FSTL5: variants seen among roughly 807,000 people sequenced by gnomAD.
FSTL5 encodes follistatin like 5, also known as follistatin-related protein 5.
FSTL5 carries 62 observed loss-of-function variants against 89.1 expected under a neutral mutation model. That is an observed-to-expected ratio of 0.70 (90% CI 0.57 to 0.86). The LOEUF is 0.86. Among genes scored for constraint, FSTL5 ranks in the 40% least tolerant of loss-of-function variants. The pLI is 0.00. For missense variants in FSTL5, 1,057 were observed against 1,001.6 expected, an observed-to-expected ratio of 1.06 and a Z score of -0.75; for synonymous variants, 383 against 346.2, an observed-to-expected ratio of 1.11 and a Z score of -1.18.
At chr4:161,810,412 G>A (rs1430431465) in intron 4 of FSTL5, among the ~76,000 whole-genome samples, 2 of 152,086 alleles carry the variant, frequency 1.3e-5, no homozygotes, top group Non-Finnish European at 2.9e-5. Context: ...AAAAATGAAT[G>A]TTATAAAAGA....
chr4:161,865,659 T>C (rs1433512784), intron 4 of FSTL5, among the ~76,000 whole-genome samples: 1 of 152,160 alleles, frequency 6.6e-6, no homozygotes, highest in Non-Finnish European at 1.5e-5. Flanking sequence ...CCATAACCTT[T>C]CAAAAGTCTT....
intron 1 of FSTL5, among the ~76,000 whole-genome samples, chr4:162,128,619 T>C (rs1358313906): frequency 1.3e-5 from 2 of 152,190 alleles, no homozygotes; most frequent in African/African-American, 2.4e-5. Flanking sequence ...CATTTTGTTA[T>C]ACCAGCCTAA....
chr4:161,453,505 G>A (rs1297624033), intron 15 of FSTL5, among the ~76,000 whole-genome samples: 1 of 152,068 alleles, frequency 6.6e-6, no homozygotes, highest in African/African-American at 2.4e-5. Flanking sequence ...AAGTCCCTGA[G>A]CTATTACAAT....
intron 1 of FSTL5, among the ~76,000 whole-genome samples, chr4:162,117,651 A>T (rs1388774384): frequency 6.6e-6 from 1 of 152,172 alleles, no homozygotes; most frequent in East Asian, 1.9e-4. Context: ...TAAGAGATGA[A>T]AAATTTTATT....
chr4:162,124,741 C>T (rs1213327978), intron 1 of FSTL5, among the ~76,000 whole-genome samples: 1 of 152,120 alleles, frequency 6.6e-6, no homozygotes, highest in Non-Finnish European at 1.5e-5. Flanking sequence ...GCTCTGTCGC[C>T]CAGGCTGGAG....
intron 10 of FSTL5, among the ~76,000 whole-genome samples, chr4:161,531,997 G>A (rs952077653): frequency 6.6e-6 from 1 of 152,066 alleles, no homozygotes; most frequent in African/African-American, 2.4e-5. Flanking sequence ...GAGGTCAGGA[G>A]ATCTAGACCA....
At chr4:161,761,693 T>A (rs1021733917) in intron 5 of FSTL5, among the ~76,000 whole-genome samples, 1 of 152,202 alleles carries the variant, frequency 6.6e-6, no homozygotes, top group Non-Finnish European at 1.5e-5. Context: ...CTTCACTTGG[T>A]CATGATGATA....
At chr4:162,161,076 A>T (rs996128083) in intron 1 of FSTL5, among the ~76,000 whole-genome samples, 2 of 151,848 alleles carry the variant, frequency 1.3e-5, no homozygotes, top group African/African-American at 4.8e-5. Flanking sequence ...TATTTTGATA[A>T]TTTTCTGTAG....
At chr4:161,491,042 A>G in intron 12 of FSTL5, among the ~76,000 whole-genome samples, 1 of 151,968 alleles carries the variant, frequency 6.6e-6, no homozygotes, top group East Asian at 1.9e-4. Context: ...ATCTTTGTCC[A>G]TTACATTTAT....
At position 161,712,578 on chromosome 4, in the gene FSTL5, G is replaced by A. The variant is rs111623844; in HGVS notation, c.727+46833C>T. Among the ~76,000 whole-genome samples, 612 of 152,274 alleles carry A rather than the reference G, an allele frequency of 4.0e-3. 3 individuals are homozygous for A. Among genetic ancestry groups the A allele is most frequent in the African/African-American group, 0.013 (553 of 41,568 alleles). On this transcript the variant is annotated intron_variant, in intron 6 of 15. Coordinates refer to ENST00000306100, the MANE Select transcript of FSTL5 (RefSeq NM_020116.5). ...GATATTTAAACACTTGGAAAATGTT[G>A]TTTTCAAATGATACATGGTTGCTGA...
At position 162,002,602 on chromosome 4, in the gene FSTL5, T is replaced by G. The variant is rs986229318; in HGVS notation, c.160+31023A>C. Among the ~76,000 whole-genome samples, 7 of 152,226 alleles carry G rather than the reference T, an allele frequency of 4.6e-5. No individual in the cohort carries two copies. In the East Asian group the frequency reaches 1.3e-3, roughly 29 times the overall value. ...GTTTCATGGTAGTCACATAGAGGAA[T>G]GCTAGTTTCTAGTTCTCTACTTACA... On this transcript the variant is annotated intron_variant, in intron 3 of 15. Transcript: ENST00000306100.
At chr4:161,465,729 T>C (rs928508454) in intron 13 of FSTL5, among the ~76,000 whole-genome samples, 2 of 152,236 alleles carry the variant, frequency 1.3e-5, no homozygotes, top group Non-Finnish European at 2.9e-5. Flanking sequence ...TTGCATCTAT[T>C]GAATTATTCT....
intron 4 of FSTL5, among the ~76,000 whole-genome samples, chr4:161,811,905 A>G (rs1049923408): frequency 1.3e-5 from 2 of 152,202 alleles, no homozygotes; most frequent in African/African-American, 2.4e-5. Flanking sequence ...TACATATAGA[A>G]TGTTCCGAGG....
chr4:161,606,853 C>T (rs1251702014), intron 7 of FSTL5, among the ~76,000 whole-genome samples: 1 of 151,836 alleles, frequency 6.6e-6, no homozygotes, highest in Admixed American at 6.6e-5. Context: ...ATATGATGTA[C>T]CATAAACTTT....
chr4:161,676,362 A>G (rs952924011), intron 6 of FSTL5, among the ~76,000 whole-genome samples: 1 of 152,140 alleles, frequency 6.6e-6, no homozygotes, highest in East Asian at 1.9e-4. Context: ...AGGGACATGG[A>G]TGAAGCCAGA....
intron 13 of FSTL5, among the ~76,000 whole-genome samples, chr4:161,461,617 A>T (rs1733586664): frequency 6.6e-6 from 1 of 152,104 alleles, no homozygotes; most frequent in African/African-American, 2.4e-5. Context: ...TAGGTAATTA[A>T]ATAGCTTTAT....
chr4:161,918,701 G>A (rs1396263981), intron 4 of FSTL5, among the ~76,000 whole-genome samples: 2 of 151,722 alleles, frequency 1.3e-5, no homozygotes, highest in Non-Finnish European at 1.5e-5. Context: ...CTGGAGTGCA[G>A]TGGTGCTATC....
chr4:161,827,547 G>C (rs1384479602), intron 4 of FSTL5, among the ~76,000 whole-genome samples: 2 of 152,200 alleles, frequency 1.3e-5, no homozygotes, highest in Non-Finnish European at 2.9e-5. Flanking sequence ...TCGACTACCA[G>C]GGCTGGTAGA....
chr4:161,920,839 G>A (rs1488771630), intron 3 of FSTL5, among the ~76,000 whole-genome samples, 187 bp from the exon 4 acceptor site: 1 of 152,036 alleles, frequency 6.6e-6, no homozygotes, highest in Non-Finnish European at 1.5e-5. Context: ...AATGCTTTCA[G>A]TATTCTTCCC....
Sources: gnomAD v4.1 joint callset for allele counts (sites outside exome capture counted in the v4.1 genomes callset) on GRCh38, gnomAD v4.1.1 for gene constraint, MANE v1.5 for transcripts, NCBI Gene and HGNC (gene_info 2026-07-23, HGNC 2026-07-21) for gene names.